The following NFAT5 variants were observed in gnomAD, a reference collection of about 807,000 sequenced individuals.
The protein encoded by NFAT5 is nuclear factor of activated T-cells 5.
In NFAT5, 31 loss-of-function variants were observed where a neutral mutation model predicts 166.5. That is an observed-to-expected ratio of 0.19 (90% CI 0.14 to 0.25). The LOEUF (loss-of-function observed/expected upper bound fraction) is 0.25, where lower values mean the gene tolerates loss of function less well. Ranked by LOEUF, NFAT5 falls within the 10% of genes least tolerant of loss-of-function variation. The probability of loss-of-function intolerance (pLI) is 1.00; values close to 1 mark genes in which losing one functional copy is unlikely to be tolerated. For missense variants in NFAT5, 1,449 were observed against 1,821.8 expected (o/e 0.80, Z 3.72); for synonymous variants, 612 against 639.7 (o/e 0.96, Z 0.65).
intron 3 of NFAT5, among the ~76,000 whole-genome samples, chr16:69,635,274 G>A (rs1485103684): frequency 1.3e-5 from 2 of 151,942 alleles, no homozygotes; most frequent in Non-Finnish European, 2.9e-5. Flanking sequence ...GCCTCCCAAA[G>A]TGCTGGTATT....
chr16:69,671,671 G>A (rs1474056032), intron 9 of NFAT5, among the ~76,000 whole-genome samples: 1 of 152,146 alleles, frequency 6.6e-6, no homozygotes, highest in Non-Finnish European at 1.5e-5. Flanking sequence ...GCCTGGCCTA[G>A]TGCCTATAGT....
At chr16:69,660,920 T>C (rs905018960) in intron 7 of NFAT5, among the ~76,000 whole-genome samples, 2 of 152,020 alleles carry the variant, frequency 1.3e-5, no homozygotes, top group Non-Finnish European at 2.9e-5. Context: ...GCGATTCTCC[T>C]GCCTCAGCCT....
intron 11 of NFAT5, among the ~76,000 whole-genome samples, chr16:69,687,455 A>AT (rs1243338777): frequency 1.3e-5 from 2 of 151,178 alleles, no homozygotes; most frequent in Non-Finnish European, 2.9e-5. Context: ...AAAAAAAAAA[A>AT]GGATTGGAAC....
At chr16:69,657,956 G>A (rs62049971) in intron 6 of NFAT5, among the ~76,000 whole-genome samples, 15,719 of 148,382 alleles carry the variant, frequency 0.11, 1,031 homozygotes, top group Non-Finnish European at 0.14. Context: ...GTGGTGGCGG[G>A]CGCCTGTAGT....
intron 7 of NFAT5, among the ~76,000 whole-genome samples, chr16:69,668,922 A>G (rs1296046576): frequency 6.6e-6 from 1 of 152,012 alleles, no homozygotes; most frequent in Non-Finnish European, 1.5e-5. Context: ...TCCTTTTCTT[A>G]TATTTCTTCA....
In NFAT5 at chr16:69,692,440, A is replaced by G; in HGVS notation, c.2615A>G (p.His872Arg). ...TTTTCCTCAACAGAGCCAACAGTCC[A>G]TACCAGACCAGATAATTTATTACCT... ...GMFSSTEPTV[H>R]TRPDNLLPGR... is the part of the protein sequence containing the mutation. Residue 872 changes from histidine to arginine, a missense_variant, in exon 13 of 15, where the codon CAT becomes CGT. Physicochemically the swap from His to Arg is conservative, Grantham distance 29. Around this residue, in one of 7 missense-constraint regions of NFAT5, gnomAD observed 891 missense variants for 993.0 expected, o/e 0.90. Transcript: ENST00000349945. The G allele has an allele frequency of 6.2e-7, 1 of 1,614,260 alleles. No individual in the cohort carries two copies. The highest frequency in any genetic ancestry group is 2.2e-5 in the East Asian group (1 of 44,892).
chr16:69,681,959 C>A (rs1157111508), intron 10 of NFAT5, among the ~76,000 whole-genome samples: 1 of 151,146 alleles, frequency 6.6e-6, no homozygotes, highest in African/African-American at 2.4e-5. Context: ...TCTAGGGATC[C>A]TGGGTGCCTG....
In NFAT5 at chr16:69,693,959, G is replaced by A. The variant is rs1304652835; in HGVS notation, c.4134G>A (p.Leu1378=). 1 of 1,614,024 alleles carries A rather than the reference G, an allele frequency of 6.2e-7. No homozygotes were observed. Among genetic ancestry groups the A allele is most frequent in the Non-Finnish European group, 8.5e-7 (1 of 1,180,034 alleles). The change falls in exon 13 of 15, where the codon TTG becomes TTA. Residue 1378 remains leucine (L), a synonymous_variant. Coordinates refer to ENST00000349945, the MANE Select transcript of NFAT5 (RefSeq NM_138713.4). ...PLFHSSPQIQ[L]VQGSPSSQEQ... is the part of the protein sequence containing the mutation. Reference sequence around the variant, plus strand: ...TCCATAGCTCTCCTCAGATTCAGTTGGTACAAGGGTCACCTAGTTCTCAAG... The same window carrying A: ...TCCATAGCTCTCCTCAGATTCAGTTAGTACAAGGGTCACCTAGTTCTCAAG...
intron 2 of NFAT5, among the ~76,000 whole-genome samples, chr16:69,589,185 G>A (rs1230014057): frequency 6.6e-6 from 1 of 151,202 alleles, no homozygotes; most frequent in African/African-American, 2.4e-5. Context: ...GTAGAGACAG[G>A]GTTTCTCCAT....
intron 2 of NFAT5, among the ~76,000 whole-genome samples, chr16:69,617,036 C>G (rs1016613200): frequency 6.6e-6 from 1 of 151,588 alleles, no homozygotes; most frequent in Non-Finnish European, 1.5e-5. Flanking sequence ...CTCCGCCTCC[C>G]GGGTTCACGC....
intron 10 of NFAT5, among the ~76,000 whole-genome samples, chr16:69,683,468 T>TTG (rs1364776249): frequency 1.3e-5 from 2 of 151,972 alleles, no homozygotes; most frequent in African/African-American, 2.4e-5. Flanking sequence ...GAGGTGGAAG[T>TTG]TGCAGTGAGC....
At chr16:69,604,146 T>C (rs2033280423) in intron 2 of NFAT5, among the ~76,000 whole-genome samples, 1 of 152,102 alleles carries the variant, frequency 6.6e-6, no homozygotes, top group Non-Finnish European at 1.5e-5. Flanking sequence ...CAGGGGCACA[T>C]AGAAGCAAGC....
intron 10 of NFAT5, among the ~76,000 whole-genome samples, chr16:69,679,381 C>CAA (rs2151690639): frequency 6.6e-6 from 1 of 151,464 alleles, no homozygotes; most frequent in East Asian, 2.0e-4. Context: ...ATTGGGAGGC[C>CAA]GAGGTGGGCG....
chr16:69,586,026 T>C (rs1172866916), intron 2 of NFAT5, among the ~76,000 whole-genome samples: 1 of 151,984 alleles, frequency 6.6e-6, no homozygotes, highest in Non-Finnish European at 1.5e-5. Flanking sequence ...TATAATTTAC[T>C]GCAATTAAAA....
chr16:69,642,175 T>C (rs1195884263), intron 3 of NFAT5, among the ~76,000 whole-genome samples: 2 of 152,214 alleles, frequency 1.3e-5, no homozygotes, highest in Non-Finnish European at 2.9e-5. Context: ...GATTCTGGGA[T>C]ATTCATATTC....
intron 2 of NFAT5, 89 bp from the exon 3 acceptor site, chr16:69,626,314 G>C: frequency 1.6e-6 from 2 of 1,215,334 alleles, no homozygotes; most frequent in Non-Finnish European, 2.2e-6. Context: ...CTCCTCATGA[G>C]AGAAAAGACA....
chr16:69,596,537 G>A (rs888805838), intron 2 of NFAT5, among the ~76,000 whole-genome samples: 1 of 152,016 alleles, frequency 6.6e-6, no homozygotes, highest in African/African-American at 2.4e-5. Context: ...GGCCAACATG[G>A]TGAAACCCCA....
chr16:69,648,965 CCTT>C (rs1291423743), intron 4 of NFAT5: 35 of 977,056 alleles, frequency 3.6e-5, no homozygotes, highest in Non-Finnish European at 3.9e-5. Context: ...TTCTTTACCT[CCTT>C]AAGGGTGATG....
chr16:69,578,821 T>C lies in NFAT5; in HGVS notation c.127+10273T>C, dbSNP rs114841554. Among the ~76,000 whole-genome samples, 1,071 of 152,154 alleles carry C rather than the reference T, an allele frequency of 7.0e-3. 18 individuals carry two copies. The highest frequency in any genetic ancestry group is 0.024 in the African/African-American group (997 of 41,522). On this transcript the variant is annotated intron_variant, in intron 2 of 14. Transcript: ENST00000349945. ...GTCAATATTCAACTTATAAACACCT[T>C]GATAATTGACATTTGTAAGAACTTT...
Sources: allele counts gnomAD v4.1 joint callset (sites outside exome capture counted in the v4.1 genomes callset), GRCh38; gene constraint gnomAD v4.1.1; regional missense constraint gnomAD v4.1.1; transcripts MANE v1.5; gene names NCBI Gene and HGNC (gene_info 2026-07-23, HGNC 2026-07-21).